The following SOX5 variants were observed in gnomAD, a reference collection of about 807,000 sequenced individuals.
SOX5 encodes SRY-box transcription factor 5, also known as transcription factor SOX-5.
A neutral mutation model predicts 92.0 loss-of-function variants in SOX5; 9 were observed. The observed-to-expected ratio is 0.10, with a 90% confidence interval of 0.06 to 0.17. The LOEUF is 0.17. SOX5 is among the 10% of genes least tolerant of loss of function. SOX5 has a pLI of 1.00. For missense variants in SOX5, 642 were observed against 944.5 expected (o/e 0.68, Z 4.20); for synonymous variants, 344 against 336.3 (o/e 1.02, Z -0.25).
At chr12:23,623,292 TTAGA>T (rs1457563141) in intron 8 of SOX5, among the ~76,000 whole-genome samples, 2 of 152,190 alleles carry the variant, frequency 1.3e-5, no homozygotes, top group African/African-American at 4.8e-5. Flanking sequence ...GACAAATGTA[TTAGA>T]TAATTATAAA....
intron 6 of SOX5, among the ~76,000 whole-genome samples, chr12:23,708,171 A>G (rs868302347): frequency 6.1e-5 from 9 of 148,456 alleles, no homozygotes; most frequent in South Asian, 2.2e-4. Flanking sequence ...TTCTAGGAAA[A>G]TCTGGGAACT....
intron 4 of SOX5, among the ~76,000 whole-genome samples, chr12:24,192,188 A>C (rs1018988587): frequency 2.0e-5 from 3 of 152,206 alleles, no homozygotes; most frequent in Non-Finnish European, 4.4e-5. Flanking sequence ...GAAATGATAG[A>C]GTTTGTATGA....
chr12:24,408,234 AT>A (rs1312385505), intron 1 of SOX5, among the ~76,000 whole-genome samples: 1 of 152,206 alleles, frequency 6.6e-6, no homozygotes, highest in Non-Finnish European at 1.5e-5. Context: ...ACGCTTTCAG[AT>A]TTTAATCTAG....
Position 23,575,737 on chromosome 12 carries a change from T to C in SOX5, c.1266A>G (p.Ile422Met). The change falls in exon 10 of 15, where the codon ATA becomes ATG. Residue 422 changes from isoleucine (I) to methionine (M), a missense_variant. This residue lies in a region of SOX5 where 324 missense variants were observed against 461.6 expected (regional missense o/e 0.70). Coordinates refer to ENST00000451604, the MANE Select transcript of SOX5 (RefSeq NM_006940.6). The stretch of plus-strand genomic sequence containing the variant: ...CTTTGAGGGGGCCTGCCCCACTGTT[T>C]ATTCTCAGAGCTGGCATATGGGGAG... ...PTSPHMPALR[I>M]NSGAGPLKAS... 2 of 1,614,006 alleles carry C rather than the reference T, an allele frequency of 1.2e-6. No homozygotes were observed. The highest frequency in any genetic ancestry group is 1.7e-6 in the Non-Finnish European group (2 of 1,179,942).
chr12:24,443,581 T>G (rs1327073552), intron 1 of SOX5, among the ~76,000 whole-genome samples: 1 of 152,222 alleles, frequency 6.6e-6, no homozygotes, highest in Non-Finnish European at 1.5e-5. Context: ...CAAGTGTCTA[T>G]TTGTTTTCTT....
chr12:23,781,836 A>G (rs527882307), intron 3 of SOX5, among the ~76,000 whole-genome samples: 4 of 152,098 alleles, frequency 2.6e-5, no homozygotes, highest in Non-Finnish European at 5.9e-5. Flanking sequence ...AACTGAAGCT[A>G]AATTAAAGGC....
chr12:23,634,396 G>A (rs2078952918), intron 8 of SOX5, among the ~76,000 whole-genome samples: 1 of 152,116 alleles, frequency 6.6e-6, no homozygotes, highest in South Asian at 2.1e-4. Context: ...TAAGTAGGTT[G>A]GTTAAGGTAG....
At chr12:23,972,551 G>T (rs951801016) in intron 4 of SOX5, among the ~76,000 whole-genome samples, 3 of 151,916 alleles carry the variant, frequency 2.0e-5, no homozygotes, top group Non-Finnish European at 4.4e-5. Flanking sequence ...TAGAGACAGG[G>T]TTTTTTTATG....
At chr12:24,081,934 G>A (rs1422904777) in intron 4 of SOX5, among the ~76,000 whole-genome samples, 2 of 151,898 alleles carry the variant, frequency 1.3e-5, no homozygotes, top group Non-Finnish European at 2.9e-5. Context: ...ATTTGCACAT[G>A]ACAAAATCTA....
chr12:23,952,335 A>T (rs926734584), upstream of SOX5, among the ~76,000 whole-genome samples: 2 of 152,198 alleles, frequency 1.3e-5, no homozygotes, highest in African/African-American at 2.4e-5. Context: ...GTCTTGCTAC[A>T]GCTACTACCT....
At chr12:24,274,032 T>C (rs11047342) in intron 3 of SOX5, among the ~76,000 whole-genome samples, 35,465 of 152,126 alleles carry the variant, frequency 0.23, 4,482 homozygotes, top group African/African-American at 0.32. Flanking sequence ...TAATAAGATA[T>C]TCATTGACTT....
At chr12:23,981,841 C>G (rs773602312) in intron 4 of SOX5, among the ~76,000 whole-genome samples, 2 of 152,062 alleles carry the variant, frequency 1.3e-5, no homozygotes, top group African/African-American at 4.8e-5. Flanking sequence ...AAACACAATT[C>G]CTTGTTTTCT....
chr12:23,740,987 G>A lies in SOX5; in HGVS notation c.621C>T (p.Asn207=), dbSNP rs1312200074. The change falls in exon 5 of 15, where the codon AAC becomes AAT. Residue 207 remains asparagine (N), a synonymous_variant. Coordinates refer to ENST00000451604, the MANE Select transcript of SOX5 (RefSeq NM_006940.6). ...GCTGCTCTCGGAGGCTGGTCAGCTGGTTGATCATACCCATGAGTTGCCTTT... is the reference window on the plus strand; with the variant it reads ...GCTGCTCTCGGAGGCTGGTCAGCTGATTGATCATACCCATGAGTTGCCTTT... ...EKERQLMGMI[N]QLTSLREQLL... 1.2e-6 allele frequency: 2 copies of A among 1,611,820 alleles called. No homozygotes were observed. Among genetic ancestry groups the A allele is most frequent in the Non-Finnish European group, 1.7e-6 (2 of 1,178,458 alleles).
intron 6 of SOX5, among the ~76,000 whole-genome samples, chr12:23,682,744 T>C (rs2086827188): frequency 6.6e-6 from 1 of 151,806 alleles, no homozygotes; most frequent in South Asian, 2.1e-4. Context: ...TTCAAAATAT[T>C]ACATGTTTGA....
rs117218709 is a variant in SOX5 at position 24,475,680 on chromosome 12, T to C, written c.-251+86649A>G. ...GAAAGTCAACAGGCTAACTCTAAACTTTAATTAGAAGCAGAAGAGAGCCAG... is the reference window on the plus strand; with the variant it reads ...GAAAGTCAACAGGCTAACTCTAAACCTTAATTAGAAGCAGAAGAGAGCCAG... On this transcript the variant is annotated intron_variant, in intron 1 of 4. Transcript: ENST00000446891. 2.5e-3 allele frequency among the ~76,000 whole-genome samples: 384 copies of C among 152,240 alleles called. 6 individuals are homozygous for C. The highest frequency in any genetic ancestry group is 0.018 in the East Asian group (91 of 5,186).
chr12:24,465,003 T>C (rs1467870466), intron 1 of SOX5, among the ~76,000 whole-genome samples: 3 of 152,214 alleles, frequency 2.0e-5, no homozygotes, highest in African/African-American at 7.2e-5. Flanking sequence ...AGAGAATGGA[T>C]GGTGATAGTG....
At chr12:24,285,977 GA>G (rs1945819468) in intron 2 of SOX5, among the ~76,000 whole-genome samples, 1 of 152,118 alleles carries the variant, frequency 6.6e-6, no homozygotes. Context: ...ATTTGAACTA[GA>G]ATCTGTGAGG....
chr12:23,941,328 T>C (rs1943591912), intron 1 of SOX5, among the ~76,000 whole-genome samples: 1 of 151,672 alleles, frequency 6.6e-6, no homozygotes. Context: ...CTTTTGGATA[T>C]GCTTTTATTT....
intron 10 of SOX5, among the ~76,000 whole-genome samples, chr12:23,568,117 G>A (rs1466888028): frequency 6.6e-6 from 1 of 152,028 alleles, no homozygotes; most frequent in Non-Finnish European, 1.5e-5. Flanking sequence ...AATTAGGCTG[G>A]GCCATAAATC....
Sources: allele counts gnomAD v4.1 joint callset (sites outside exome capture counted in the v4.1 genomes callset), GRCh38; gene constraint gnomAD v4.1.1; regional missense constraint gnomAD v4.1.1; transcripts MANE v1.5; gene names NCBI Gene and HGNC (gene_info 2026-07-23, HGNC 2026-07-21).